The following KIAA1328 variants were observed in gnomAD, a reference collection of about 807,000 sequenced individuals.
The protein encoded by KIAA1328 is protein hinderin.
In KIAA1328, 52 loss-of-function variants were observed where a neutral mutation model predicts 68.1. The observed-to-expected ratio is 0.76, with a 90% CI of 0.61 to 0.96. KIAA1328 has a LOEUF of 0.96. KIAA1328 is among the 40% of genes least tolerant of loss of function. The probability of loss-of-function intolerance (pLI) is 0.00; values close to 1 mark genes in which losing one functional copy is unlikely to be tolerated. For synonymous variants in KIAA1328, 232 were observed against 239.4 expected (o/e 0.97, Z 0.28); for missense variants, 641 against 677.6 (o/e 0.95, Z 0.60).
chr18:37,095,076 G>C (rs2057367588), intron 7 of KIAA1328, among the ~76,000 whole-genome samples: 1 of 152,050 alleles, frequency 6.6e-6, no homozygotes, highest in Non-Finnish European at 1.5e-5. Flanking sequence ...GTAGCATCAA[G>C]ACATATAAAG....
chr18:36,913,807 GTTAC>G (rs1289715225), intron 5 of KIAA1328, among the ~76,000 whole-genome samples: 2 of 151,930 alleles, frequency 1.3e-5, no homozygotes, highest in African/African-American at 2.4e-5. Context: ...GCCTCTTTCT[GTTAC>G]TTAAGTTGAC....
intron 9 of KIAA1328, among the ~76,000 whole-genome samples, chr18:37,212,914 T>TC (rs1568540371): frequency 1.3e-5 from 2 of 152,072 alleles, no homozygotes; most frequent in African/African-American, 4.8e-5. Context: ...ATGGGGTTTT[T>TC]CACCATGTTG....
intron 9 of KIAA1328, among the ~76,000 whole-genome samples, chr18:37,201,969 T>C (rs1335818377): frequency 1.3e-5 from 2 of 152,184 alleles, no homozygotes; most frequent in Admixed American, 6.5e-5. Context: ...AAATATGATA[T>C]TCGTCAACGC....
chr18:36,948,266 T>G (rs911236489), intron 5 of KIAA1328, among the ~76,000 whole-genome samples: 36 of 144,396 alleles, frequency 2.5e-4, no homozygotes, highest in East Asian at 3.9e-4. Context: ...CTTTTGTTTT[T>G]TTTTTTTTTT....
At chr18:37,185,808 C>T (rs899232231) in intron 9 of KIAA1328, among the ~76,000 whole-genome samples, 3 of 151,670 alleles carry the variant, frequency 2.0e-5, no homozygotes, top group Non-Finnish European at 4.4e-5. Context: ...TGCCCTCCCC[C>T]CCAAAAAAAA....
At chr18:36,908,276 C>T (rs1004368005) in intron 5 of KIAA1328, among the ~76,000 whole-genome samples, 12 of 152,096 alleles carry the variant, frequency 7.9e-5, no homozygotes, top group East Asian at 7.7e-4. Context: ...GTTCTTAAGA[C>T]GCTAAAGTAA....
At chr18:37,129,444 T>C (rs1478104323) in intron 7 of KIAA1328, among the ~76,000 whole-genome samples, 1 of 152,200 alleles carries the variant, frequency 6.6e-6, no homozygotes. Flanking sequence ...AAAAAGTCAA[T>C]AGTTATTTTC....
intron 5 of KIAA1328, among the ~76,000 whole-genome samples, chr18:36,949,595 G>GCCCCCC (rs1241515530): frequency 1.0e-4 from 4 of 38,972 alleles, no homozygotes; most frequent in Non-Finnish European, 9.8e-5. Context: ...TTTCTACCCA[G>GCCCCCC]CTCCCCCCCC....
intron 4 of KIAA1328, among the ~76,000 whole-genome samples, chr18:36,858,724 AT>A (rs1246409167): frequency 1.3e-5 from 2 of 152,060 alleles, no homozygotes; most frequent in Non-Finnish European, 2.9e-5. Context: ...CTGCTCCTTA[AT>A]TTGGGATTTG....
intron 7 of KIAA1328, among the ~76,000 whole-genome samples, chr18:37,130,757 C>T (rs956299151): frequency 2.0e-5 from 3 of 152,030 alleles, no homozygotes; most frequent in Non-Finnish European, 4.4e-5. Flanking sequence ...TTAAAATGCC[C>T]CATGGATAAG....
At chr18:37,117,887 A>AATAT (rs1340358187) in intron 7 of KIAA1328, among the ~76,000 whole-genome samples, 80 of 147,542 alleles carry the variant, frequency 5.4e-4, no homozygotes, top group African/African-American at 1.9e-3. Flanking sequence ...AAAAAAAAAA[A>AATAT]ATATATATAT....
At chr18:37,200,690 A>C (rs920846378) in intron 9 of KIAA1328, among the ~76,000 whole-genome samples, 2 of 151,882 alleles carry the variant, frequency 1.3e-5, no homozygotes, top group Non-Finnish European at 2.9e-5. Context: ...GGGCGCCTGT[A>C]GTCCCAGCTA....
At chr18:36,967,102 CTATGT>C (rs1428076592) in intron 6 of KIAA1328, among the ~76,000 whole-genome samples, 1 of 152,060 alleles carries the variant, frequency 6.6e-6, no homozygotes, top group Non-Finnish European at 1.5e-5. Context: ...ACTCTTGTGA[CTATGT>C]TATGTTATAT....
intron 6 of KIAA1328, among the ~76,000 whole-genome samples, chr18:36,987,762 AC>A (rs2053002023): frequency 6.6e-6 from 1 of 151,734 alleles, no homozygotes; most frequent in Non-Finnish European, 1.5e-5. Flanking sequence ...GGCAAAACTT[AC>A]CCACTTGTAC....
At chr18:36,939,806 T>C (rs1367215257) in intron 5 of KIAA1328, among the ~76,000 whole-genome samples, 4 of 152,202 alleles carry the variant, frequency 2.6e-5, no homozygotes, top group Admixed American at 2.6e-4. Flanking sequence ...TGAAAGGATG[T>C]TGAATATTGT....
chr18:36,949,630 A>G (rs758299272), intron 5 of KIAA1328, among the ~76,000 whole-genome samples: 44 of 93,426 alleles, frequency 4.7e-4, no homozygotes, highest in Non-Finnish European at 7.3e-4. Context: ...TTGATTTGCA[A>G]TTCTGCAAGA....
intron 7 of KIAA1328, among the ~76,000 whole-genome samples, chr18:37,078,685 T>G (rs1368428916): frequency 3.3e-5 from 5 of 149,554 alleles, no homozygotes; most frequent in Non-Finnish European, 7.4e-5. Context: ...GAACAGACAC[T>G]TCTCAAAAGA....
intron 9 of KIAA1328, among the ~76,000 whole-genome samples, chr18:37,189,328 T>C (rs1165846876): frequency 6.6e-6 from 1 of 152,154 alleles, no homozygotes; most frequent in African/African-American, 2.4e-5. Flanking sequence ...AAAAGGTTAA[T>C]AGCAAACATG....
chr18:37,045,498 T>C (rs1201627715), intron 6 of KIAA1328, among the ~76,000 whole-genome samples: 1 of 152,178 alleles, frequency 6.6e-6, no homozygotes, highest in African/African-American at 2.4e-5. Context: ...CTGTTTTCTT[T>C]TTTAAAAATT....
Sources: gnomAD v4.1 joint callset for allele counts (sites outside exome capture counted in the v4.1 genomes callset) on GRCh38, gnomAD v4.1.1 for gene constraint, MANE v1.5 for transcripts, NCBI Gene and HGNC (gene_info 2026-07-23, HGNC 2026-07-21) for gene names.